CAPSL: variants seen among roughly 807,000 people sequenced by gnomAD.
CAPSL encodes calcyphosine like, also known as calcyphosin-like protein.
A neutral mutation model predicts 21.3 loss-of-function variants in CAPSL; 17 were observed. The observed-to-expected ratio is 0.80, with a 90% CI of 0.55 to 1.20. The LOEUF (loss-of-function observed/expected upper bound fraction) is 1.20. CAPSL is among the 50% of genes most tolerant of loss of function. CAPSL has a pLI of 0.00. For synonymous variants in CAPSL, 102 were observed against 89.3 expected (o/e 1.14, Z -0.80); for missense variants, 289 against 259.3 (o/e 1.11, Z -0.79).
At chr5:35,934,920 T>C (rs1738906139) in intron 1 of CAPSL, among the ~76,000 whole-genome samples, 1 of 152,188 alleles carries the variant, frequency 6.6e-6, no homozygotes, top group Admixed American at 6.5e-5. Flanking sequence ...GTATCTGATT[T>C]TGCATAAGGA....
At chr5:35,920,668 T>G (rs1392535891) in intron 2 of CAPSL, among the ~76,000 whole-genome samples, 1 of 152,188 alleles carries the variant, frequency 6.6e-6, no homozygotes, top group African/African-American at 2.4e-5. Flanking sequence ...TTATCACAGC[T>G]GCAGAGAGAG....
intron 1 of CAPSL, among the ~76,000 whole-genome samples, chr5:35,927,356 A>T (rs1399925566): frequency 6.6e-6 from 1 of 152,218 alleles, no homozygotes; most frequent in East Asian, 1.9e-4. Flanking sequence ...TGTAATTCTT[A>T]GATACCTGTG....
intron 1 of CAPSL, among the ~76,000 whole-genome samples, chr5:35,928,413 C>G (rs774375718): frequency 3.9e-5 from 6 of 152,166 alleles, no homozygotes; most frequent in Non-Finnish European, 7.4e-5. Flanking sequence ...AAGACTCTGA[C>G]AGTTTGAATA....
intron 1 of CAPSL, among the ~76,000 whole-genome samples, chr5:35,936,252 C>T (rs371967497): frequency 1.4e-3 from 218 of 152,172 alleles, no homozygotes; most frequent in Middle Eastern, 0.014. Flanking sequence ...GCTGAACTTC[C>T]TCCCATCTAA....
Position 35,917,246 on chromosome 5 carries a change from G to C in CAPSL, c.137+3738C>G, listed in dbSNP as rs185852721. 4.3e-3 allele frequency among the ~76,000 whole-genome samples: 655 copies of C among 152,220 alleles called. 4 individuals are homozygous for C. The highest frequency in any genetic ancestry group is 0.017 in the Middle Eastern group (5 of 294). On this transcript the variant is annotated intron_variant, in intron 2 of 4. Transcript: ENST00000651391. ...TGCTGGAGAGAATGTGGAGAAATAG[G>C]AACACTTTTACACTGTTGGTGGGAC... is the stretch of plus-strand genomic sequence containing the variant.
At chr5:35,912,979 T>C (rs1314620021) in intron 2 of CAPSL, among the ~76,000 whole-genome samples, 1 of 150,756 alleles carries the variant, frequency 6.6e-6, no homozygotes, top group Non-Finnish European at 1.5e-5. Flanking sequence ...TAGATGAACG[T>C]CTAACTAGAA....
chr5:35,930,011 C>T (rs565254957), intron 1 of CAPSL, among the ~76,000 whole-genome samples: 1 of 152,040 alleles, frequency 6.6e-6, no homozygotes, highest in African/African-American at 2.4e-5. Flanking sequence ...TCTTTTATAC[C>T]ATTTACTATT....
chr5:35,912,583 G>A (rs1325433157), intron 2 of CAPSL, among the ~76,000 whole-genome samples: 1 of 152,222 alleles, frequency 6.6e-6, no homozygotes, highest in Non-Finnish European at 1.5e-5. Flanking sequence ...CTCCACTGCT[G>A]ATACCCAGGC....
At chr5:35,921,243 A>G (rs560266011) in intron 1 of CAPSL, 123 bp from the exon 2 acceptor site, 1 of 1,239,364 alleles carries the variant, frequency 8.1e-7, no homozygotes, top group Admixed American at 2.8e-5. Flanking sequence ...AACCTCTCAG[A>G]ATTTCCAATT....
intron 4 of CAPSL, among the ~76,000 whole-genome samples, chr5:35,909,252 G>A (rs936852129): frequency 6.6e-6 from 1 of 152,106 alleles, no homozygotes; most frequent in Non-Finnish European, 1.5e-5. Flanking sequence ...GGTTGATTTT[G>A]TTTTCAAATT....
In CAPSL at chr5:35,932,662, ATT is replaced by A. The variant is rs1024972585; in HGVS notation, c.-1+5877_-1+5878del. Among the ~76,000 whole-genome samples, 99 of 152,318 alleles carry A rather than the reference ATT, an allele frequency of 6.5e-4. 1 individual carries two copies. The highest frequency in any genetic ancestry group is 2.3e-3 in the African/African-American group (96 of 41,574). On this transcript the variant is annotated intron_variant, in intron 1 of 4. Coordinates refer to ENST00000651391, the MANE Select transcript of CAPSL (RefSeq NM_001042625.2). The stretch of plus-strand genomic sequence containing the variant: ...TTCTGCCTCAGTTGGCAGAAGAAAT[ATT>A]GTTATTCCAGAAAGTAAGAGTGTGA...
rs781283312 is a variant in CAPSL, at chr5:35,909,886, G to A, written c.505C>T (p.Pro169Ser). 3.7e-6 allele frequency: 6 copies of A among 1,612,774 alleles called. No individual in the cohort carries two copies. In the Admixed American group the frequency reaches 5.0e-5, roughly 13 times the overall value. Residue 169 changes from proline (P) to serine (S), a missense_variant, in exon 4 of 5, where the codon CCC (proline) becomes TCC (serine). Coordinates refer to ENST00000651391, the MANE Select transcript of CAPSL (RefSeq NM_001042625.2). The part of the protein sequence containing the change: ...FRKFLDNFDS[P>S]YDKDGLVTPE... ...CTTACCAATCCATCTTTGTCATAGG[G>A]TGAATCAAAGTTATCCAGAAATTTC... is the stretch of plus-strand genomic sequence containing the variant.
At chr5:35,917,938 A>C (rs1738435902) in intron 2 of CAPSL, among the ~76,000 whole-genome samples, 1 of 152,200 alleles carries the variant, frequency 6.6e-6, no homozygotes, top group Non-Finnish European at 1.5e-5. Flanking sequence ...AATGGTGATC[A>C]TTAAAAAGTC....
Position 35,912,965 on chromosome 5 carries a change from A to AC in CAPSL, c.138-2423_138-2422insG. 2.0e-5 allele frequency among the ~76,000 whole-genome samples: 3 copies of AC among 152,246 alleles called. No homozygotes were observed. The Middle Eastern group carries it at 0.01, about 518-fold the overall frequency. ...AAAGAAGTTAAAAACCTTGAAAAAA[A>AC]AATTAGATGAACGTCTAACTAGAAA... is the stretch of plus-strand genomic sequence containing the variant. On this transcript the variant is annotated intron_variant, in intron 2 of 4. Coordinates refer to ENST00000651391, the MANE Select transcript of CAPSL (RefSeq NM_001042625.2).
chr5:35,924,752 G>A (rs1189685461), intron 1 of CAPSL, among the ~76,000 whole-genome samples: 1 of 152,186 alleles, frequency 6.6e-6, no homozygotes, highest in Non-Finnish European at 1.5e-5. Flanking sequence ...CCCTTGAATA[G>A]CCTAGAGTCT....
intron 1 of CAPSL, 62 bp from the exon 2 acceptor site, chr5:35,921,182 G>A: frequency 1.3e-6 from 2 of 1,571,370 alleles, no homozygotes; most frequent in Non-Finnish European, 1.7e-6. Context: ...TGGCTGGGCA[G>A]AGTGACAGAA....
chr5:35,926,133 A>G (rs942229635), intron 1 of CAPSL, among the ~76,000 whole-genome samples: 8 of 151,656 alleles, frequency 5.3e-5, no homozygotes, highest in Non-Finnish European at 1.0e-4. Context: ...GTAAAGTGAG[A>G]AGAATGGATA....
intron 1 of CAPSL, among the ~76,000 whole-genome samples, chr5:35,932,099 T>C (rs1296233449): frequency 6.6e-6 from 1 of 152,212 alleles, no homozygotes; most frequent in East Asian, 1.9e-4. Context: ...TCTAGTCAAT[T>C]ATTTGTATCC....
chr5:35,909,959 G>C lies in CAPSL; in HGVS notation c.432C>G (p.His144Gln). The C allele has an allele frequency of 6.2e-7, 1 of 1,613,726 alleles. No homozygotes were observed. Among genetic ancestry groups the C allele is most frequent in the Non-Finnish European group, 8.5e-7 (1 of 1,179,858 alleles). ...ATTCCCCATTCTGGTACTTTGGGTGGTGTTTTGCATTATATACTTCACGAA... is the reference window on the plus strand; with the variant it reads ...ATTCCCCATTCTGGTACTTTGGGTGCTGTTTTGCATTATATACTTCACGAA... ...EDLREVYNAK[H>Q]HPKYQNGEWS... Residue 144 changes from histidine to glutamine, a missense_variant, in exon 4 of 5, where the codon CAC (histidine) becomes CAG (glutamine). Transcript: ENST00000651391.
Sources: allele counts gnomAD v4.1 joint callset (sites outside exome capture counted in the v4.1 genomes callset), GRCh38; gene constraint gnomAD v4.1.1; transcripts MANE v1.5; gene names NCBI Gene and HGNC (gene_info 2026-07-23, HGNC 2026-07-21).